The following CACNA1E variants were observed in gnomAD, a reference collection of about 807,000 sequenced individuals.
The protein encoded by CACNA1E is calcium voltage-gated channel subunit alpha1 E, also known as voltage-dependent R-type calcium channel subunit alpha-1E.
CACNA1E carries 40 observed loss-of-function variants against 259.2 expected under a neutral mutation model. That is an observed-to-expected ratio of 0.15 (90% confidence interval 0.12 to 0.20). The LOEUF is 0.20. Among genes scored for constraint, CACNA1E ranks in the 10% least tolerant of loss-of-function variants. CACNA1E has a pLI of 1.00. For synonymous variants in CACNA1E, 1,104 were observed against 1,138.5 expected (o/e 0.97, Z 0.61); for missense variants, 1,874 against 3,040.1 (o/e 0.62, Z 9.02).
chr1:181,744,628 T>A (rs1656886439), intron 25 of CACNA1E, among the ~76,000 whole-genome samples: 2 of 152,344 alleles, frequency 1.3e-5, no homozygotes, highest in African/African-American at 2.4e-5. Context: ...TCTGAGGCAG[T>A]CCCCTCAAAC....
chr1:181,795,472 ACT>A (rs897728881), intron 46 of CACNA1E, among the ~76,000 whole-genome samples: 3 of 149,320 alleles, frequency 2.0e-5, no homozygotes, highest in Non-Finnish European at 3.0e-5. Context: ...ACAGAGTTTC[ACT>A]CTGCAGCACA....
intron 25 of CACNA1E, among the ~76,000 whole-genome samples, chr1:181,746,171 A>C (rs1250331393): frequency 6.6e-6 from 1 of 152,236 alleles, no homozygotes; most frequent in Non-Finnish European, 1.5e-5. Context: ...GCCGCTAAGC[A>C]GTGACAACGT....
intron 2 of CACNA1E, among the ~76,000 whole-genome samples, chr1:181,453,715 C>T (rs1275751191): frequency 1.3e-5 from 2 of 152,190 alleles, no homozygotes; most frequent in African/African-American, 4.8e-5. Context: ...GAAGGTCTAG[C>T]AAGGAGAGCT....
At chr1:181,445,023 G>T (rs1660716781) in intron 2 of CACNA1E, among the ~76,000 whole-genome samples, 1 of 152,116 alleles carries the variant, frequency 6.6e-6, no homozygotes, top group Admixed American at 6.5e-5. Context: ...ACTAGTTTTA[G>T]ATATGTTCCT....
chr1:181,525,858 T>C (rs1398812326), intron 3 of CACNA1E, among the ~76,000 whole-genome samples: 1 of 152,212 alleles, frequency 6.6e-6, no homozygotes, highest in Non-Finnish European at 1.5e-5. Flanking sequence ...GTTTATGACA[T>C]GGCTTCTATG....
At chr1:181,528,519 G>C (rs141238257) in intron 3 of CACNA1E, among the ~76,000 whole-genome samples, 12,177 of 152,250 alleles carry the variant, frequency 0.08, 618 homozygotes, top group South Asian at 0.25. Context: ...GGAACAGTTT[G>C]GAGGGCTCAG....
chr1:181,391,543 G>A (rs147668449), intron 1 of CACNA1E, among the ~76,000 whole-genome samples: 1 of 152,254 alleles, frequency 6.6e-6, no homozygotes, highest in African/African-American at 2.4e-5. Flanking sequence ...GGCTGTCTGG[G>A]GGGGAAGCTC....
chr1:181,368,397 T>G (rs1654440847), intron 1 of CACNA1E, among the ~76,000 whole-genome samples: 1 of 152,134 alleles, frequency 6.6e-6, no homozygotes, highest in African/African-American at 2.4e-5. Context: ...CAAATCTTAT[T>G]GTTGAAAAGA....
rs185607010 is a variant in CACNA1E, at chr1:181,390,044, C to T, written c.-14-23089C>T. ...GGTGAGAAGCTTGTTTTCCTTTTCC[C>T]AGGAAGGACTTTCCTTCCTGAGAGC... On this transcript the variant is annotated intron_variant, in intron 1 of 11. Coordinates refer to the CACNA1E transcript ENST00000524607. Among the ~76,000 whole-genome samples the T allele has an allele frequency of 3.9e-5, 6 of 152,312 alleles. No individual in the cohort carries two copies. In the East Asian group the frequency reaches 1.2e-3, roughly 29 times the overall value.
chr1:181,445,756 A>G (rs6678968), intron 2 of CACNA1E, among the ~76,000 whole-genome samples: 66,193 of 152,106 alleles, frequency 0.44, 16,046 homozygotes, highest in African/African-American at 0.67. Context: ...TCTGGTCTCA[A>G]GCTCACCTGA....
At chr1:181,786,796 G>A (rs376080101) in intron 43 of CACNA1E, among the ~76,000 whole-genome samples, 32 of 152,136 alleles carry the variant, frequency 2.1e-4, no homozygotes, top group Non-Finnish European at 3.4e-4. Flanking sequence ...TGATACTTAG[G>A]GCTTGGGAAT....
chr1:181,628,642 A>G (rs959090206), intron 6 of CACNA1E, among the ~76,000 whole-genome samples: 10 of 152,184 alleles, frequency 6.6e-5, no homozygotes, highest in Non-Finnish European at 1.3e-4. Flanking sequence ...ACCAAAACCC[A>G]TTTGTCCTAG....
chr1:181,748,886 C>A (rs887054928), intron 25 of CACNA1E, among the ~76,000 whole-genome samples: 2 of 152,140 alleles, frequency 1.3e-5, no homozygotes, highest in Non-Finnish European at 2.9e-5. Context: ...ATATTAAGGA[C>A]TCCACAGATG....
intron 1 of CACNA1E, among the ~76,000 whole-genome samples, chr1:181,387,955 TC>T (rs1374295901): frequency 2.0e-5 from 3 of 152,126 alleles, no homozygotes; most frequent in Non-Finnish European, 4.4e-5. Context: ...GTCCCAACCT[TC>T]CCCCTTGGGA....
At chr1:181,475,404 T>C (rs1262914478) in intron 2 of CACNA1E, among the ~76,000 whole-genome samples, 1 of 152,188 alleles carries the variant, frequency 6.6e-6, no homozygotes, top group Non-Finnish European at 1.5e-5. Context: ...TTATAGGAGG[T>C]ACAGGTCAGT....
chr1:181,364,833 C>T (rs538539521), intron 1 of CACNA1E, among the ~76,000 whole-genome samples: 5 of 152,306 alleles, frequency 3.3e-5, no homozygotes, highest in African/African-American at 1.2e-4. Context: ...CTCCAGTCTT[C>T]CACCTCTGCA....
intron 3 of CACNA1E, among the ~76,000 whole-genome samples, chr1:181,550,368 T>G (rs1157850145): frequency 6.6e-6 from 1 of 152,080 alleles, no homozygotes; most frequent in African/African-American, 2.4e-5. Context: ...GGCTGGAGCT[T>G]GGGACAGGTC....
At chr1:181,713,289 A>G (rs3766996) in intron 8 of CACNA1E, among the ~76,000 whole-genome samples, 71,346 of 152,038 alleles carry the variant, frequency 0.47, 18,992 homozygotes, top group East Asian at 0.75. Context: ...CTGTCTGGCT[A>G]AGATAATTAA....
At chr1:181,336,546 A>T (rs145748844) in intron 1 of CACNA1E, among the ~76,000 whole-genome samples, 1 of 152,176 alleles carries the variant, frequency 6.6e-6, no homozygotes, top group African/African-American at 2.4e-5. Context: ...TTTTCTCTGT[A>T]TTTATTTTAT....
Sources: gnomAD v4.1 joint callset for allele counts (sites outside exome capture counted in the v4.1 genomes callset) on GRCh38, gnomAD v4.1.1 for gene constraint, MANE v1.5 for transcripts, NCBI Gene and HGNC (gene_info 2026-07-23, HGNC 2026-07-21) for gene names.